Variants in PHACTR1 observed in about 807,000 individuals in gnomAD.
PHACTR1 encodes RPEL repeat containing 1.
PHACTR1 carries 16 observed loss-of-function variants against 69.2 expected under a neutral mutation model. That is an observed-to-expected ratio of 0.23 (90% CI 0.16 to 0.35). PHACTR1 has a LOEUF of 0.35. Ranked by LOEUF, PHACTR1 falls within the 10% of genes least tolerant of loss-of-function variation. PHACTR1 has a pLI of 1.00. For synonymous variants in PHACTR1, 312 were observed against 284.5 expected, an observed-to-expected ratio of 1.10 and a Z score of -0.97; for missense variants, 510 against 734.7, an observed-to-expected ratio of 0.69 and a Z score of 3.54.
intron 4 of PHACTR1, among the ~76,000 whole-genome samples, chr6:12,769,373 C>T (rs373977279): frequency 6.6e-6 from 1 of 152,142 alleles, no homozygotes; most frequent in Non-Finnish European, 1.5e-5. Flanking sequence ...TAAATTAAAA[C>T]ATTTTCACCT....
intron 4 of PHACTR1, among the ~76,000 whole-genome samples, chr6:12,756,355 C>T (rs1767319390): frequency 6.6e-6 from 1 of 152,138 alleles, no homozygotes; most frequent in Admixed American, 6.5e-5. Flanking sequence ...TTGTTTCTCA[C>T]TTTCCTTACC....
At chr6:13,137,697 T>C (rs1194933931) in intron 5 of PHACTR1, among the ~76,000 whole-genome samples, 1 of 152,254 alleles carries the variant, frequency 6.6e-6, no homozygotes, top group Non-Finnish European at 1.5e-5. Context: ...ATGGAAATGA[T>C]TGAGGCCATT....
intron 7 of PHACTR1, among the ~76,000 whole-genome samples, chr6:13,201,296 G>A (rs1330443879): frequency 6.6e-6 from 1 of 152,222 alleles, no homozygotes; most frequent in Non-Finnish European, 1.5e-5. Flanking sequence ...TTCATTTGCC[G>A]CTTGAGGGGC....
intron 4 of PHACTR1, among the ~76,000 whole-genome samples, chr6:12,965,076 C>T (rs759120475): frequency 4.6e-5 from 7 of 152,272 alleles, no homozygotes; most frequent in Non-Finnish European, 8.8e-5. Flanking sequence ...CTCTAGCTTA[C>T]GTATAATACC....
At chr6:12,857,356 A>G (rs1231992793) in intron 4 of PHACTR1, among the ~76,000 whole-genome samples, 1 of 152,158 alleles carries the variant, frequency 6.6e-6, no homozygotes, top group Non-Finnish European at 1.5e-5. Context: ...TCATGCCTGT[A>G]GTCCCGGCAC....
intron 5 of PHACTR1, among the ~76,000 whole-genome samples, chr6:13,079,822 G>A (rs1292461151): frequency 1.3e-5 from 2 of 152,108 alleles, no homozygotes; most frequent in African/African-American, 2.4e-5. Flanking sequence ...GCTATAACTA[G>A]CCATATGACC....
At chr6:12,734,339 C>G (rs522117) in intron 3 of PHACTR1, among the ~76,000 whole-genome samples, 102,595 of 152,044 alleles carry the variant, frequency 0.67, 35,437 homozygotes, top group East Asian at 0.95. Flanking sequence ...GCTTGGAGCT[C>G]GCTAGTAATA....
intron 5 of PHACTR1, among the ~76,000 whole-genome samples, chr6:13,074,226 A>G (rs1810036245): frequency 6.6e-6 from 1 of 152,218 alleles, no homozygotes; most frequent in South Asian, 2.1e-4. Flanking sequence ...CAGCAAGTCA[A>G]AGAAAAATGC....
intron 11 of PHACTR1, 126 bp from the exon 12 acceptor site, chr6:13,278,142 A>G: frequency 1.2e-6 from 1 of 825,956 alleles, no homozygotes; most frequent in Non-Finnish European, 1.9e-6. Flanking sequence ...GGGGGAGGGG[A>G]CAGGAGTACT....
chr6:12,882,646 A>G (rs1467133036), intron 4 of PHACTR1, among the ~76,000 whole-genome samples: 1 of 152,164 alleles, frequency 6.6e-6, no homozygotes, highest in Middle Eastern at 3.2e-3. Context: ...ACAAAAAAAG[A>G]AAAGCAATGT....
chr6:13,190,023 C>CTTTTT (rs56040224), intron 7 of PHACTR1, among the ~76,000 whole-genome samples: 1 of 123,838 alleles, frequency 8.1e-6, no homozygotes, highest in African/African-American at 3.2e-5. Context: ...ATCTCTTCTG[C>CTTTTT]TTTTTTTTTT....
At chr6:12,871,444 A>C (rs919642259) in intron 4 of PHACTR1, among the ~76,000 whole-genome samples, 1 of 152,196 alleles carries the variant, frequency 6.6e-6, no homozygotes, top group Non-Finnish European at 1.5e-5. Context: ...TTAAGTCTCA[A>C]TGTATGAGAG....
chr6:13,030,026 T>C (rs1178003614), intron 4 of PHACTR1, among the ~76,000 whole-genome samples: 1 of 152,228 alleles, frequency 6.6e-6, no homozygotes, highest in Non-Finnish European at 1.5e-5. Flanking sequence ...CGTTTAGAGT[T>C]GGTGGTAGGA....
intron 10 of PHACTR1, among the ~76,000 whole-genome samples, chr6:13,265,706 A>G (rs917337838): frequency 5.3e-5 from 8 of 152,146 alleles, no homozygotes; most frequent in African/African-American, 1.9e-4. Flanking sequence ...AGAAAGCCTT[A>G]GCATTAGTTA....
intron 4 of PHACTR1, among the ~76,000 whole-genome samples, chr6:12,896,312 A>G (rs1784663050): frequency 6.6e-6 from 1 of 152,336 alleles, no homozygotes; most frequent in East Asian, 1.9e-4. Context: ...TAACTTGGGA[A>G]CTGCATACAC....
intron 4 of PHACTR1, among the ~76,000 whole-genome samples, chr6:12,829,664 A>G (rs1329434194): frequency 6.6e-6 from 1 of 151,866 alleles, no homozygotes; most frequent in Non-Finnish European, 1.5e-5. Context: ...AGATAATAAA[A>G]GAAAATGAGG....
At chr6:12,898,157 C>G (rs549595258) in intron 4 of PHACTR1, among the ~76,000 whole-genome samples, 1 of 152,186 alleles carries the variant, frequency 6.6e-6, no homozygotes, top group African/African-American at 2.4e-5. Flanking sequence ...TAGGGTTTCT[C>G]TTTTTCCTAT....
rs536215170 is a variant in PHACTR1, at chr6:13,287,161, C to G, written c.*83C>G. 5 of 1,290,994 alleles carry G rather than the reference C, an allele frequency of 3.9e-6. No homozygotes were observed. In the South Asian group the frequency reaches 6.7e-5, roughly 17 times the overall value. 80.0% of individuals were successfully genotyped at this position (1,290,994 alleles called of 1,614,324 possible). A position where few individuals can be genotyped will look rare whatever the true frequency, so the allele number is the denominator to read the frequency against. ...TAAGTGCTGGTATTTATTCACTTCC[C>G]CATTACGATGTAAATCTTCTGAACT... On this transcript the variant is annotated 3_prime_UTR_variant, in exon 15 of 15. Transcript: ENST00000332995.
chr6:12,833,775 A>G (rs1231481212), intron 4 of PHACTR1, among the ~76,000 whole-genome samples: 1 of 152,004 alleles, frequency 6.6e-6, no homozygotes, highest in Non-Finnish European at 1.5e-5. Context: ...TAAATCCTCT[A>G]ATGGCCTCCT....
Sources: allele counts gnomAD v4.1 joint callset (sites outside exome capture counted in the v4.1 genomes callset), GRCh38; gene constraint gnomAD v4.1.1; transcripts MANE v1.5; gene names NCBI Gene and HGNC (gene_info 2026-07-23, HGNC 2026-07-21).